TDRD5: variants seen among roughly 807,000 people sequenced by gnomAD.
TDRD5 encodes the protein tudor domain-containing protein 5.
TDRD5 carries 41 observed loss-of-function variants against 120.6 expected under a neutral mutation model. The observed-to-expected ratio is 0.34, with a 90% CI of 0.26 to 0.44. The LOEUF (loss-of-function observed/expected upper bound fraction) is 0.44, where lower values mean the gene tolerates loss of function less well. Among genes scored for constraint, TDRD5 ranks in the 20% least tolerant of loss-of-function variants. The pLI, the probability that TDRD5 is intolerant of heterozygous loss-of-function variation, is 1.00. For missense variants in TDRD5, 1,006 were observed against 1,221.2 expected, an observed-to-expected ratio of 0.82 and a Z score of 2.63; for synonymous variants, 430 against 433.7, an observed-to-expected ratio of 0.99 and a Z score of 0.11.
At chr1:179,633,886 C>CTTTAGTTT (rs1677602158) in intron 7 of TDRD5, among the ~76,000 whole-genome samples, 1 of 151,502 alleles carries the variant, frequency 6.6e-6, no homozygotes, top group African/African-American at 2.4e-5. Context: ...GTTTAAGAAA[C>CTTTAGTTT]CTTGGCTGGG....
intron 16 of TDRD5, among the ~76,000 whole-genome samples, chr1:179,666,869 TG>T (rs1679582784): frequency 6.6e-6 from 1 of 152,218 alleles, no homozygotes; most frequent in Admixed American, 6.5e-5. Flanking sequence ...TGAAGTGATT[TG>T]GGGCATTTGT....
intron 17 of TDRD5, among the ~76,000 whole-genome samples, chr1:179,678,822 GA>G (rs1289693406): frequency 6.6e-6 from 1 of 151,940 alleles, no homozygotes; most frequent in Non-Finnish European, 1.5e-5. Context: ...ATATGTGGGG[GA>G]AAAAAATCAG....
chr1:179,607,805 C>G (rs919918197), intron 4 of TDRD5, among the ~76,000 whole-genome samples: 3 of 151,504 alleles, frequency 2.0e-5, no homozygotes, highest in Admixed American at 2.0e-4. Flanking sequence ...TATTTTAATA[C>G]TAAAATATTA....
chr1:179,640,874 A>C (rs911738122), intron 11 of TDRD5, among the ~76,000 whole-genome samples: 12 of 152,232 alleles, frequency 7.9e-5, no homozygotes, highest in African/African-American at 2.7e-4. Flanking sequence ...AATGTCAAAG[A>C]AATAGGAGCC....
intron 4 of TDRD5, among the ~76,000 whole-genome samples, chr1:179,603,331 A>G (rs1032822806): frequency 1.3e-5 from 2 of 152,142 alleles, no homozygotes; most frequent in African/African-American, 2.4e-5. Context: ...AACAATGACA[A>G]TTTGACTTTC....
rs527745703 is a variant in TDRD5 at position 179,628,881 on chromosome 1, G to A, written c.973-1886G>A. Among the ~76,000 whole-genome samples the A allele has an allele frequency of 1.2e-4, 19 of 152,162 alleles. No individual in the cohort carries two copies. The East Asian group carries it at 2.5e-3, about 20-fold the overall frequency. ...TTTTAACAAGGAACTGGCAATAATGGTTACTTCCAGGGAAGTGATTGCTAG... is the reference window on the plus strand; with the variant it reads ...TTTTAACAAGGAACTGGCAATAATGATTACTTCCAGGGAAGTGATTGCTAG... On this transcript the variant is annotated intron_variant, in intron 6 of 17. Coordinates refer to ENST00000444136, the MANE Select transcript of TDRD5 (RefSeq NM_001199085.3).
chr1:179,613,400 A>G (rs1371448851), intron 4 of TDRD5, among the ~76,000 whole-genome samples: 1 of 152,176 alleles, frequency 6.6e-6, no homozygotes, highest in Non-Finnish European at 1.5e-5. Context: ...GGCAAATCAA[A>G]TTCCATACTG....
chr1:179,672,407 A>G (rs1679905089), intron 17 of TDRD5, among the ~76,000 whole-genome samples: 1 of 152,068 alleles, frequency 6.6e-6, no homozygotes, highest in Admixed American at 6.5e-5. Context: ...GACCATTTGT[A>G]TATCTTCTTT....
chr1:179,673,777 A>G (rs1468396068), intron 17 of TDRD5, among the ~76,000 whole-genome samples: 2 of 152,196 alleles, frequency 1.3e-5, no homozygotes, highest in Non-Finnish European at 2.9e-5. Flanking sequence ...AGCAGTTTCC[A>G]GCTTGAGTTT....
intron 9 of TDRD5, 26 bp from the exon 10 acceptor site, chr1:179,639,813 T>G (rs1271776489): frequency 6.2e-7 from 1 of 1,601,992 alleles, no homozygotes; most frequent in Non-Finnish European, 8.5e-7. Context: ...CCCCTATGGA[T>G]TTCTCTGTAT....
At chr1:179,690,506 T>C (rs1464971874) in intron 17 of TDRD5, among the ~76,000 whole-genome samples, 190 bp from the exon 18 acceptor site, 1 of 152,256 alleles carries the variant, frequency 6.6e-6, no homozygotes, top group Non-Finnish European at 1.5e-5. Context: ...TCTCAATTCA[T>C]GATTCCCCAT....
At chr1:179,650,270 A>G (rs1047379592) in intron 11 of TDRD5, among the ~76,000 whole-genome samples, 15 of 151,898 alleles carry the variant, frequency 9.9e-5, no homozygotes, top group Non-Finnish European at 1.9e-4. Context: ...GTGTAGTGGC[A>G]CGCACCTGTA....
chr1:179,596,851 G>A (rs1379765541), intron 4 of TDRD5, among the ~76,000 whole-genome samples: 1 of 152,170 alleles, frequency 6.6e-6, no homozygotes, highest in Non-Finnish European at 1.5e-5. Flanking sequence ...GCATCATATA[G>A]TAAGTGTATG....
intron 4 of TDRD5, among the ~76,000 whole-genome samples, chr1:179,596,731 G>A (rs1296275522): frequency 1.3e-5 from 2 of 151,990 alleles, no homozygotes; most frequent in Non-Finnish European, 2.9e-5. Context: ...ATGACATTTG[G>A]GTTATTTCCT....
chr1:179,656,898 C>A (rs2102080018), intron 14 of TDRD5, among the ~76,000 whole-genome samples: 1 of 152,208 alleles, frequency 6.6e-6, no homozygotes, highest in South Asian at 2.1e-4. Context: ...CTAAACAATA[C>A]AAAAACTAGC....
chr1:179,669,206 A>G lies in TDRD5; in HGVS notation c.2662A>G (p.Asn888Asp). Residue 888 changes from asparagine to aspartate, a missense_variant, in exon 17 of 18, where the codon AAT becomes GAT. By Grantham distance (23) the Asn-to-Asp change is conservative. Transcript: ENST00000444136. ...TCCCATTCTGCAGCAACTAGACATA[A>G]ATGGTTCTTCAGATTCTTCCACACT... The part of the protein sequence containing the change: ...TNRTQKQLDI[N>D]GSSDSSTLPK... 1 of 1,613,562 alleles carries G rather than the reference A, an allele frequency of 6.2e-7. No homozygotes were observed. Among genetic ancestry groups the G allele is most frequent in the Non-Finnish European group, 8.5e-7 (1 of 1,179,776 alleles).
chr1:179,663,036 A>G (rs1679392006), intron 15 of TDRD5, among the ~76,000 whole-genome samples: 1 of 152,182 alleles, frequency 6.6e-6, no homozygotes, highest in Admixed American at 6.5e-5. Context: ...ATCTGAAATT[A>G]TGTTGCTCCT....
intron 6 of TDRD5, among the ~76,000 whole-genome samples, chr1:179,624,854 T>C (rs1474371904): frequency 6.6e-6 from 1 of 152,104 alleles, no homozygotes; most frequent in African/African-American, 2.4e-5. Context: ...TCATAATTCT[T>C]GCGGGCTATT....
chr1:179,592,416 G>T, intron 1 of TDRD5, 186 bp from the exon 2 acceptor site: 1 of 552,722 alleles, frequency 1.8e-6, no homozygotes, highest in South Asian at 2.0e-5. Flanking sequence ...CTTAATCAAC[G>T]CAGGTGGAGA....
Sources: gnomAD v4.1 joint callset for allele counts (sites outside exome capture counted in the v4.1 genomes callset) on GRCh38, gnomAD v4.1.1 for gene constraint, MANE v1.5 for transcripts, NCBI Gene and HGNC (gene_info 2026-07-23, HGNC 2026-07-21) for gene names.